CAST: variants seen among roughly 807,000 people sequenced by gnomAD.
CAST encodes MIR583 host.
In CAST, 76 loss-of-function variants were observed where a neutral mutation model predicts 119.6. That is an observed-to-expected ratio of 0.64 (90% CI 0.53 to 0.77). The LOEUF is 0.77. CAST is among the 30% of genes least tolerant of loss of function. The pLI is 0.00. For missense variants in CAST, 953 were observed against 946.5 expected, an observed-to-expected ratio of 1.01 and a Z score of -0.09; for synonymous variants, 319 against 331.6, an observed-to-expected ratio of 0.96 and a Z score of 0.41.
At chr5:96,325,474 A>G in the CAST span, among the ~76,000 whole-genome samples, 1 of 75,240 alleles carries the variant, frequency 1.3e-5, no homozygotes, top group African/African-American at 5.2e-5. Flanking sequence ...TTATTTATTT[A>G]TTTTATTTAT....
the CAST span, among the ~76,000 whole-genome samples, chr5:96,337,972 AT>A: frequency 8.5e-3 from 1,283 of 151,210 alleles, 26 homozygotes; most frequent in African/African-American, 0.03. Flanking sequence ...AAAACTTTTA[AT>A]TTTTTTTTTC....
At chr5:96,151,643 G>T in the CAST span, among the ~76,000 whole-genome samples, 1 of 152,152 alleles carries the variant, frequency 6.6e-6, no homozygotes, top group Non-Finnish European at 1.5e-5. Context: ...GAGAGTTAGG[G>T]ATGGGAGTTC....
the CAST span, among the ~76,000 whole-genome samples, chr5:96,137,093 G>T: frequency 6.6e-6 from 1 of 152,114 alleles, no homozygotes; most frequent in Non-Finnish European, 1.5e-5. Flanking sequence ...CCTTTGTGCT[G>T]TAAAGGTTTG....
At chr5:96,585,913 C>G (rs964406125) in intron 1 of CAST, among the ~76,000 whole-genome samples, 1 of 152,214 alleles carries the variant, frequency 6.6e-6, no homozygotes, top group African/African-American at 2.4e-5. Flanking sequence ...GTTGGTGAAA[C>G]AGCTGGCGTT....
At chr5:96,657,010 A>G (rs1748168592) in intron 1 of CAST, among the ~76,000 whole-genome samples, 1 of 84,250 alleles carries the variant, frequency 1.2e-5, no homozygotes, top group South Asian at 5.2e-4. Flanking sequence ...TTCTTTATAC[A>G]ATAATCTGAG....
the CAST span, among the ~76,000 whole-genome samples, chr5:96,514,445 A>C: frequency 6.6e-6 from 1 of 152,170 alleles, no homozygotes; most frequent in South Asian, 2.1e-4. Context: ...TATTTCTAAT[A>C]AGTGAATGAA....
the CAST span, among the ~76,000 whole-genome samples, chr5:95,963,164 T>G: frequency 6.6e-6 from 1 of 152,238 alleles, no homozygotes; most frequent in African/African-American, 2.4e-5. Flanking sequence ...ACGCTTGTTT[T>G]TACCCTCAGC....
the CAST span, among the ~76,000 whole-genome samples, chr5:96,122,627 G>T: frequency 1.3e-5 from 2 of 152,056 alleles, no homozygotes; most frequent in Non-Finnish European, 2.9e-5. Context: ...GTGTTCGAGG[G>T]GGTAGAAAGT....
chr5:96,115,055 C>A, the CAST span, among the ~76,000 whole-genome samples: 7 of 152,172 alleles, frequency 4.6e-5, no homozygotes, highest in Non-Finnish European at 8.8e-5. Flanking sequence ...ATATAGATAG[C>A]AGAGTGTATA....
chr5:96,529,658 C>G (rs147185363), upstream of CAST, among the ~76,000 whole-genome samples: 238 of 152,176 alleles, frequency 1.6e-3, 7 homozygotes, highest in East Asian at 0.038. Flanking sequence ...CCAATAATCC[C>G]CACGTGTCAT....
At chr5:96,090,079 T>C in the CAST span, among the ~76,000 whole-genome samples, 1 of 152,162 alleles carries the variant, frequency 6.6e-6, no homozygotes, top group Non-Finnish European at 1.5e-5. Flanking sequence ...TCAAGAGTTA[T>C]TGTGAAGGTT....
the CAST span, chr5:96,421,902 A>G: frequency 1.3e-6 from 2 of 1,578,026 alleles, no homozygotes; most frequent in Non-Finnish European, 1.7e-6. Context: ...GTGGGATCAT[A>G]TCGGGGAAAT....
the CAST span, among the ~76,000 whole-genome samples, chr5:96,314,108 G>A: frequency 6.6e-6 from 1 of 152,246 alleles, no homozygotes; most frequent in South Asian, 2.1e-4. Context: ...ATTTCTAATG[G>A]AATTGTTAGA....
the CAST span, among the ~76,000 whole-genome samples, chr5:96,420,820 A>G: frequency 2.3e-3 from 344 of 152,146 alleles, 4 homozygotes; most frequent in South Asian, 0.034. Flanking sequence ...ACAGAGACAG[A>G]CTTGTCTGAC....
the CAST span, among the ~76,000 whole-genome samples, chr5:96,442,777 C>T: frequency 6.6e-6 from 1 of 152,184 alleles, no homozygotes; most frequent in African/African-American, 2.4e-5. Flanking sequence ...CTGGCATTGG[C>T]ATTTACCCTA....
chr5:96,718,320 G>C (rs1757552970), intron 3 of CAST, among the ~76,000 whole-genome samples: 2 of 152,158 alleles, frequency 1.3e-5, no homozygotes, highest in South Asian at 4.1e-4. Context: ...GATGCTTAAA[G>C]TCATGGGGAG....
intron 1 of CAST, among the ~76,000 whole-genome samples, chr5:96,552,310 G>A (rs1746145982): frequency 6.6e-6 from 1 of 152,148 alleles, no homozygotes; most frequent in South Asian, 2.1e-4. Flanking sequence ...ACCTGCTCCT[G>A]AACGACTACT....
chr5:96,016,873 G>C, the CAST span, among the ~76,000 whole-genome samples: 1 of 120,544 alleles, frequency 8.3e-6, no homozygotes, highest in African/African-American at 3.3e-5. Flanking sequence ...GTCTCCCTCT[G>C]TCACCCAGGC....
chr5:96,621,653 C>T (rs962596705), intron 1 of CAST, among the ~76,000 whole-genome samples: 4 of 152,208 alleles, frequency 2.6e-5, no homozygotes, highest in East Asian at 1.9e-4. Flanking sequence ...CACCTGATCC[C>T]TCCCTCCACA....
Sources: allele counts gnomAD v4.1 joint callset (sites outside exome capture counted in the v4.1 genomes callset), GRCh38; gene constraint gnomAD v4.1.1; transcripts MANE v1.5; gene names NCBI Gene and HGNC (gene_info 2026-07-23, HGNC 2026-07-21).